ZNF573: variants seen among roughly 807,000 people sequenced by gnomAD.
ZNF573 encodes zinc finger protein 573.
ZNF573 carries 41 observed loss-of-function variants against 57.4 expected under a neutral mutation model. The ratio of observed to expected loss-of-function variants is 0.71; its 90% CI spans 0.56 to 0.93. The LOEUF (loss-of-function observed/expected upper bound fraction) is 0.93. ZNF573 is among the 40% of genes least tolerant of loss of function. ZNF573 has a pLI of 0.00. For synonymous variants in ZNF573, 249 were observed against 261.0 expected, an observed-to-expected ratio of 0.95 and a Z score of 0.44; for missense variants, 730 against 794.8, an observed-to-expected ratio of 0.92 and a Z score of 0.98.
intron 4 of ZNF573, among the ~76,000 whole-genome samples, chr19:37,745,951 A>G (rs2045378390): frequency 6.6e-6 from 1 of 152,188 alleles, no homozygotes; most frequent in Non-Finnish European, 1.5e-5. Flanking sequence ...AATACTGCAG[A>G]GCTCAGTTAC....
At chr19:37,748,020 T>G (rs1385378724) in intron 4 of ZNF573, among the ~76,000 whole-genome samples, 1 of 152,148 alleles carries the variant, frequency 6.6e-6, no homozygotes, top group Non-Finnish European at 1.5e-5. Flanking sequence ...ACTTCCAGCC[T>G]AATTACAAAA....
intron 4 of ZNF573, among the ~76,000 whole-genome samples, chr19:37,750,538 G>C (rs1316531774): frequency 6.6e-6 from 1 of 152,044 alleles, no homozygotes; most frequent in Non-Finnish European, 1.5e-5. Context: ...GGTTAGTCAA[G>C]TACTAGAATT....
chr19:37,771,501 A>G, intron 3 of ZNF573, 63 bp downstream of exon 3: 1 of 1,546,406 alleles, frequency 6.5e-7, no homozygotes, highest in Non-Finnish European at 8.8e-7. Flanking sequence ...CTTGAAATTC[A>G]TTGTGTTGAA....
chr19:37,767,664 G>A (rs765897428), intron 4 of ZNF573, among the ~76,000 whole-genome samples: 1 of 152,184 alleles, frequency 6.6e-6, no homozygotes, highest in Non-Finnish European at 1.5e-5. Context: ...GCAGTGAGCA[G>A]TATAAGCTCT....
intron 4 of ZNF573, among the ~76,000 whole-genome samples, chr19:37,742,315 G>GA (rs2045335056): frequency 6.6e-6 from 1 of 152,034 alleles, no homozygotes; most frequent in South Asian, 2.1e-4. Flanking sequence ...CACAGAATTA[G>GA]AAAAAAACTG....
At chr19:37,764,807 G>A (rs564885554) in intron 4 of ZNF573, among the ~76,000 whole-genome samples, 4 of 150,592 alleles carry the variant, frequency 2.7e-5, no homozygotes, top group African/African-American at 9.8e-5. Context: ...GTTTCACTGT[G>A]TTAGCCAGGA....
chr19:37,761,091 C>T (rs549193320), intron 4 of ZNF573, among the ~76,000 whole-genome samples: 23 of 151,116 alleles, frequency 1.5e-4, no homozygotes, highest in East Asian at 3.9e-4. Flanking sequence ...CCAGCTACAG[C>T]GCCTGTAATC....
intron 4 of ZNF573, among the ~76,000 whole-genome samples, chr19:37,745,726 C>T (rs1258556581): frequency 1.3e-5 from 2 of 152,120 alleles, no homozygotes; most frequent in African/African-American, 4.8e-5. Flanking sequence ...CAGTTTTAAC[C>T]ATCTCTATTT....
rs533898906 is a variant in ZNF573 at position 37,770,151 on chromosome 19, A to G, written c.203-54T>C. On this transcript the variant is annotated intron_variant, in intron 3 of 4. Coordinates refer to ENST00000536220, the MANE Select transcript of ZNF573 (RefSeq NM_001172690.2). ...TAAAAATAAAAACAAAAGTAACAGA[A>G]ACCTTTGAGCTTTGATTAAATTTAC... 1.2e-4 allele frequency: 160 copies of G among 1,359,650 alleles called. 1 individual carries two copies. In the South Asian group the frequency reaches 1.6e-3, roughly 14 times the overall value. The allele number at this position is 1,359,650 out of a possible 1,614,324, so 84.2% of individuals were successfully genotyped here.
rs856304 is a variant in ZNF573, at chr19:37,770,270, G to A, written c.203-173C>T. 139,046 of 540,570 alleles carry A rather than the reference G, an allele frequency of 0.26. 23,243 individuals carry two copies. The highest frequency in any genetic ancestry group is 0.66 in the East Asian group (20,050 of 30,232). 33.5% of individuals were successfully genotyped at this position (540,570 alleles called of 1,614,324 possible). ...CTTATTTTAATGTAAACTCATACAC[G>A]CGTGGTCTCTTAGGAGAAAGTTTAA... On this transcript the variant is annotated intron_variant, in intron 3 of 4. Coordinates refer to ENST00000536220, the MANE Select transcript of ZNF573 (RefSeq NM_001172690.2).
intron 4 of ZNF573, among the ~76,000 whole-genome samples, chr19:37,758,199 T>A (rs1054840000): frequency 5.1e-4 from 6 of 11,868 alleles, no homozygotes; most frequent in Admixed American, 2.5e-3. Context: ...TAAAGTATAA[T>A]AAAATATATA....
rs553463151 is a variant in ZNF573 at position 37,752,638 on chromosome 19, TTC to T, written c.296-12446_296-12445del. ...ACTGGCAATGTGTATGAGCTTTCTTTTCTCTTTTTTTCAGAGATGAGGATTTT... is the reference window on the plus strand; with the variant it reads ...ACTGGCAATGTGTATGAGCTTTCTTTTCTTTTTTTCAGAGATGAGGATTTT... On this transcript the variant is annotated intron_variant, in intron 4 of 4. Transcript: ENST00000536220. Among the ~76,000 whole-genome samples the T allele has an allele frequency of 3.8e-3, 576 of 150,166 alleles. 6 individuals carry two copies. The highest frequency in any genetic ancestry group is 0.014 in the African/African-American group (547 of 40,234).
Position 37,739,723 on chromosome 19 carries a change from C to A in ZNF573, c.767G>T (p.Ser256Ile). The change falls in exon 5 of 5, where the codon AGT (serine) becomes ATT (isoleucine). Residue 256 changes from serine (S) to isoleucine (I), a missense_variant. Transcript: ENST00000536220. ...YECQECGRAF[S>I]QGGHLRIHQR... Reference sequence around the variant, plus strand: ...ATGAATTCTAAGATGTCCACCTTGACTAAAGGCCCTCCCACACTCCTGACA... The same window carrying A: ...ATGAATTCTAAGATGTCCACCTTGAATAAAGGCCCTCCCACACTCCTGACA... 6.2e-7 allele frequency: 1 copy of A among 1,613,742 alleles called. No individual in the cohort carries two copies.
intron 1 of ZNF573, among the ~76,000 whole-genome samples, chr19:37,774,764 G>A (rs1321499530): frequency 6.6e-6 from 1 of 152,100 alleles, no homozygotes; most frequent in African/African-American, 2.4e-5. Flanking sequence ...CATTGAGAAA[G>A]TCTGGTAGTT....
At chr19:37,759,828 A>T (rs953288321) in intron 4 of ZNF573, among the ~76,000 whole-genome samples, 1 of 152,228 alleles carries the variant, frequency 6.6e-6, no homozygotes, top group South Asian at 2.1e-4. Context: ...CCCTAATTTA[A>T]TAATGGCGTA....
intron 4 of ZNF573, among the ~76,000 whole-genome samples, chr19:37,759,818 C>T (rs1317671084): frequency 1.3e-5 from 2 of 151,646 alleles, no homozygotes; most frequent in Admixed American, 6.6e-5. Context: ...GGTTTCTTTA[C>T]CCTAATTTAA....
chr19:37,744,737 T>C (rs1310309069), intron 4 of ZNF573, among the ~76,000 whole-genome samples: 5 of 97,134 alleles, frequency 5.1e-5, no homozygotes, highest in African/African-American at 2.1e-4. Context: ...CAAGACCCTA[T>C]CTCAAAAAAA....
intron 4 of ZNF573, among the ~76,000 whole-genome samples, chr19:37,761,062 G>T (rs1006906971): frequency 5.3e-5 from 8 of 151,660 alleles, no homozygotes; most frequent in African/African-American, 1.2e-4. Context: ...GCTGGGGGTG[G>T]TGGCACAAGC....
chr19:37,778,244 G>A (rs1216362962), intron 1 of ZNF573, among the ~76,000 whole-genome samples: 2 of 150,006 alleles, frequency 1.3e-5, no homozygotes, highest in African/African-American at 2.4e-5. Flanking sequence ...GGCTGGGTGC[G>A]GTGGCTCACG....
Sources: gnomAD v4.1 joint callset for allele counts (sites outside exome capture counted in the v4.1 genomes callset) on GRCh38, gnomAD v4.1.1 for gene constraint, MANE v1.5 for transcripts, NCBI Gene and HGNC (gene_info 2026-07-23, HGNC 2026-07-21) for gene names.